The following GPHN variants were observed in gnomAD, a reference collection of about 807,000 sequenced individuals.
GPHN encodes gephyrin.
A neutral mutation model predicts 95.5 loss-of-function variants in GPHN; 17 were observed. The ratio of observed to expected loss-of-function variants is 0.18; its 90% confidence interval spans 0.12 to 0.27. The LOEUF (loss-of-function observed/expected upper bound fraction) is 0.27, where lower values mean the gene tolerates loss of function less well. GPHN is among the 10% of genes least tolerant of loss of function. GPHN has a pLI of 1.00. For synonymous variants in GPHN, 320 were observed against 322.5 expected, an observed-to-expected ratio of 0.99 and a Z score of 0.08; for missense variants, 660 against 978.1, an observed-to-expected ratio of 0.67 and a Z score of 4.34.
the GPHN span, among the ~76,000 whole-genome samples, chr14:67,413,661 C>T: frequency 1.3e-5 from 2 of 152,166 alleles, no homozygotes; most frequent in East Asian, 1.9e-4. Flanking sequence ...TCCCACCTGC[C>T]AGCCCCAAGG....
At chr14:67,123,983 T>C (rs2153693204) in intron 17 of GPHN, among the ~76,000 whole-genome samples, 1 of 152,246 alleles carries the variant, frequency 6.6e-6, no homozygotes, top group East Asian at 1.9e-4. Context: ...CATCTAACCT[T>C]TTGAAGTTCT....
At chr14:67,014,659 C>T (rs10138631) in intron 9 of GPHN, among the ~76,000 whole-genome samples, 36,950 of 152,054 alleles carry the variant, frequency 0.24, 8,927 homozygotes, top group African/African-American at 0.59. Flanking sequence ...GACCTAAAAC[C>T]AGTAATAATT....
intron 1 of GPHN, among the ~76,000 whole-genome samples, chr14:66,661,772 G>C (rs59949991): frequency 0.33 from 49,674 of 151,768 alleles, 11,909 homozygotes; most frequent in African/African-American, 0.65. Flanking sequence ...GACTGAGTTC[G>C]AGGGGGAGGT....
chr14:66,972,603 A>G (rs952239030), intron 9 of GPHN, among the ~76,000 whole-genome samples: 1 of 151,836 alleles, frequency 6.6e-6, no homozygotes, highest in Admixed American at 6.6e-5. Context: ...AGTTTTAATT[A>G]ATTTAATTTT....
chr14:67,533,919 C>T, the GPHN span, among the ~76,000 whole-genome samples: 1 of 152,066 alleles, frequency 6.6e-6, no homozygotes, highest in Non-Finnish European at 1.5e-5. Flanking sequence ...AGGACTCGGT[C>T]ACCAGGAACC....
At chr14:66,913,536 T>C (rs112446428) in intron 5 of GPHN, among the ~76,000 whole-genome samples, 79 of 152,030 alleles carry the variant, frequency 5.2e-4, no homozygotes, top group African/African-American at 1.6e-3. Context: ...AGAGACAGGG[T>C]TTCACTATAT....
chr14:67,622,734 CT>C, the GPHN span, among the ~76,000 whole-genome samples: 1 of 152,344 alleles, frequency 6.6e-6, no homozygotes, highest in South Asian at 2.1e-4. Context: ...CTGGAGACAT[CT>C]CTGCAGTCCA....
chr14:67,520,977 G>C, the GPHN span, among the ~76,000 whole-genome samples: 1 of 152,188 alleles, frequency 6.6e-6, no homozygotes, highest in Admixed American at 6.5e-5. Flanking sequence ...CATCTTGTCA[G>C]TATTTCCACA....
chr14:67,656,507 T>C, the GPHN span: 5 of 1,613,784 alleles, frequency 3.1e-6, no homozygotes, highest in African/African-American at 4.0e-5. Context: ...GGCAATCCGA[T>C]GAGAACGTTC....
intron 2 of GPHN, among the ~76,000 whole-genome samples, chr14:66,700,575 C>G (rs1432907461): frequency 4.6e-5 from 7 of 152,162 alleles, no homozygotes; most frequent in Admixed American, 4.6e-4. Flanking sequence ...ATTAGCACTT[C>G]TGCTATTGTC....
chr14:67,225,153 C>G, the GPHN span: 2 of 1,585,200 alleles, frequency 1.3e-6, no homozygotes, highest in Non-Finnish European at 1.7e-6. Context: ...TTCTAATTTC[C>G]TCAAACTTGT....
At chr14:67,272,335 ATGGCCCCTTTATTATTTCTCCATCT>A in the GPHN span, among the ~76,000 whole-genome samples, 6 of 152,068 alleles carry the variant, frequency 3.9e-5, no homozygotes, top group African/African-American at 1.4e-4. Context: ...TTTGGTTCAT[ATGGCCCCTTTATTATTTCTCCATCT>A]TGTCTTTAAG....
chr14:66,585,289 A>T (rs2061373546), intron 1 of GPHN, among the ~76,000 whole-genome samples: 1 of 151,676 alleles, frequency 6.6e-6, no homozygotes, highest in East Asian at 1.9e-4. Flanking sequence ...TTTCTTCTTT[A>T]TTAGTCTTGC....
chr14:67,383,480 A>G, the GPHN span: 5 of 1,608,724 alleles, frequency 3.1e-6, no homozygotes, highest in Non-Finnish European at 4.2e-6. Context: ...AACACAGAGC[A>G]GCGCTTCCTG....
the GPHN span, among the ~76,000 whole-genome samples, chr14:67,631,649 G>A: frequency 6.6e-6 from 1 of 151,988 alleles, no homozygotes; most frequent in Non-Finnish European, 1.5e-5. Flanking sequence ...CCAGGCTGGT[G>A]TTTAACTCCT....
chr14:66,986,507 A>G (rs545733579), intron 9 of GPHN, among the ~76,000 whole-genome samples: 3 of 152,132 alleles, frequency 2.0e-5, no homozygotes, highest in South Asian at 4.1e-4. Flanking sequence ...GTACTCAAAC[A>G]TTTAATCATA....
chr14:66,707,855 A>G lies in GPHN; in HGVS notation c.143+26670A>G, dbSNP rs191348814. ...TACAAAGTGATGTTTCAATGTAGGTATACATTGTATAATGGTCAAATCAGG... is the reference window on the plus strand; with the variant it reads ...TACAAAGTGATGTTTCAATGTAGGTGTACATTGTATAATGGTCAAATCAGG... On this transcript the variant is annotated intron_variant, in intron 2 of 22. Transcript: ENST00000478722. Among the ~76,000 whole-genome samples the G allele has an allele frequency of 3.9e-4, 60 of 152,296 alleles. 1 individual carries two copies. The highest frequency in any genetic ancestry group is 1.4e-3 in the African/African-American group (60 of 41,576).
chr14:66,597,706 A>G (rs2062042061), intron 1 of GPHN, among the ~76,000 whole-genome samples: 1 of 152,164 alleles, frequency 6.6e-6, no homozygotes, highest in Non-Finnish European at 1.5e-5. Flanking sequence ...GGAAGTGGGC[A>G]GGGCTTCCAC....
At chr14:67,342,459 A>C in the GPHN span, among the ~76,000 whole-genome samples, 1 of 151,106 alleles carries the variant, frequency 6.6e-6, no homozygotes, top group Non-Finnish European at 1.5e-5. Context: ...GAGCAGAGAG[A>C]ATGCTCGATT....
Sources: allele counts gnomAD v4.1 joint callset (sites outside exome capture counted in the v4.1 genomes callset), GRCh38; gene constraint gnomAD v4.1.1; transcripts MANE v1.5; gene names NCBI Gene and HGNC (gene_info 2026-07-23, HGNC 2026-07-21).